Variants in ERLEC1 observed in about 807,000 individuals in gnomAD.
The protein encoded by ERLEC1 is ER lectin.
A neutral mutation model predicts 68.0 loss-of-function variants in ERLEC1; 47 were observed. The observed-to-expected ratio is 0.69, with a 90% CI of 0.55 to 0.88. The LOEUF (loss-of-function observed/expected upper bound fraction) is 0.88. ERLEC1 is among the 40% of genes least tolerant of loss of function. ERLEC1 has a pLI of 0.00. For synonymous variants in ERLEC1, 225 were observed against 203.2 expected (o/e 1.11, Z -0.91); for missense variants, 567 against 583.8 (o/e 0.97, Z 0.30).
intron 8 of ERLEC1, among the ~76,000 whole-genome samples, chr2:53,802,651 G>A (rs534733553): frequency 1.5e-4 from 23 of 152,206 alleles, no homozygotes; most frequent in East Asian, 1.4e-3. Flanking sequence ...ATCATCACTC[G>A]TGTAATACAA....
intron 8 of ERLEC1, among the ~76,000 whole-genome samples, chr2:53,804,417 G>A (rs151148648): frequency 0.01 from 1,538 of 152,132 alleles, 26 homozygotes; most frequent in African/African-American, 0.035. Context: ...GGGACTATAG[G>A]CACGTGTCAC....
At position 53,787,121 on chromosome 2, in the gene ERLEC1, C is replaced by A; in HGVS notation, c.-90C>A. 3 of 1,367,550 alleles carry A rather than the reference C, an allele frequency of 2.2e-6. No homozygotes were observed. The highest frequency in any genetic ancestry group is 1.9e-6 in the Non-Finnish European group (2 of 1,047,190). The allele number at this position is 1,367,550 out of a possible 1,614,324, so 84.7% of individuals were successfully genotyped here. A position where few individuals can be genotyped will look rare whatever the true frequency, so the allele number is the denominator to read the frequency against. On this transcript the variant is annotated 5_prime_UTR_variant, in exon 1 of 14. Transcript: ENST00000185150. ...GTGATACCCGGGCGCTTTATAGTCC[C>A]GCCGCCTCCTCCTCCACCTCCTCCT...
At chr2:53,793,118 A>G (rs1675500052) in intron 1 of ERLEC1, among the ~76,000 whole-genome samples, 1 of 152,242 alleles carries the variant, frequency 6.6e-6, no homozygotes, top group Non-Finnish European at 1.5e-5. Context: ...CAGTACCATA[A>G]GAGGAAAGTG....
At position 53,813,062 on chromosome 2, in the gene ERLEC1, C is replaced by A. The variant is rs758544769; in HGVS notation, c.1215C>A (p.Thr405=). The A allele has an allele frequency of 1.9e-6, 3 of 1,609,854 alleles. No homozygotes were observed. In the South Asian group the frequency reaches 3.3e-5, roughly 18 times the overall value. ...ARAYHLQDDG[T]QTVRMVSHFY... is the part of the protein sequence containing the mutation. Reference sequence around the variant, plus strand: ...CTTATCATCTTCAAGACGATGGTACCCAGACAGTCAGGTAAAGATTCACTT... The same window carrying A: ...CTTATCATCTTCAAGACGATGGTACACAGACAGTCAGGTAAAGATTCACTT... The change falls in exon 11 of 14, where the codon ACC becomes ACA. Residue 405 remains threonine, a synonymous_variant. Transcript: ENST00000185150.
intron 5 of ERLEC1, among the ~76,000 whole-genome samples, chr2:53,798,127 G>A (rs111894948): frequency 3.1e-4 from 47 of 152,174 alleles, no homozygotes; most frequent in African/African-American, 9.6e-4. Context: ...CACAGGAGGC[G>A]GAGCTTGCAG....
At chr2:53,798,918 G>A (rs1250471206) in intron 5 of ERLEC1, 129 bp from the exon 6 acceptor site, 1 of 604,544 alleles carries the variant, frequency 1.7e-6, no homozygotes, top group Non-Finnish European at 2.7e-6. Flanking sequence ...AAAGTAGTAA[G>A]ATAAAAATCA....
chr2:53,812,207 G>A (rs1175042822), intron 10 of ERLEC1, among the ~76,000 whole-genome samples: 2 of 152,050 alleles, frequency 1.3e-5, no homozygotes, highest in African/African-American at 2.4e-5. Context: ...GAGCCTCCGC[G>A]CCCCAGCCAG....
At chr2:53,794,259 A>G (rs948576927) in intron 1 of ERLEC1, 86 bp from the exon 2 acceptor site, 1 of 562,942 alleles carries the variant, frequency 1.8e-6, no homozygotes, top group African/African-American at 2.0e-5. Context: ...TAGTTTAAAG[A>G]ATCTTTTTTC....
intron 1 of ERLEC1, 92 bp downstream of exon 1, chr2:53,787,464 G>C: frequency 6.9e-7 from 1 of 1,443,618 alleles, no homozygotes. Flanking sequence ...TTCTCCCCAA[G>C]ACCTTCTCTG....
chr2:53,810,233 G>A (rs912065942), intron 10 of ERLEC1, among the ~76,000 whole-genome samples: 1 of 152,140 alleles, frequency 6.6e-6, no homozygotes, highest in African/African-American at 2.4e-5. Flanking sequence ...ACTTTGGGGG[G>A]CCAAGGCAGG....
intron 3 of ERLEC1, among the ~76,000 whole-genome samples, chr2:53,796,965 C>T (rs1675745754): frequency 6.8e-6 from 1 of 146,052 alleles, no homozygotes; most frequent in East Asian, 2.1e-4. Context: ...GATCTCAGCT[C>T]ACTGCAACCT....
chr2:53,809,687 A>T (rs1278476433), intron 10 of ERLEC1, among the ~76,000 whole-genome samples: 2 of 152,090 alleles, frequency 1.3e-5, no homozygotes, highest in Non-Finnish European at 2.9e-5. Flanking sequence ...GAGGCGGAGG[A>T]GGTTGCAGTG....
intron 8 of ERLEC1, among the ~76,000 whole-genome samples, chr2:53,805,211 T>TG (rs1163120820): frequency 6.8e-6 from 1 of 147,696 alleles, no homozygotes; most frequent in African/African-American, 2.5e-5. Context: ...TTAGTAGAGA[T>TG]GGGGTTTCAC....
At position 53,797,531 on chromosome 2, in the gene ERLEC1, C is replaced by T; in HGVS notation, c.365C>T (p.Thr122Ile). Residue 122 changes from threonine (T) to isoleucine (I), a missense_variant, in exon 4 of 14, where the codon ACT becomes ATT. Thr to Ile is a moderately conservative substitution (Grantham distance 89, BLOSUM62 -1). Transcript: ENST00000185150. ...SCSYRIESYW[T>I]YEVCHGKHIR... is the part of the protein sequence containing the mutation. ...CTTTTTTAGATTGAGTCTTATTGGA[C>T]TTACGAAGTATGTCATGGAAAACAC... 6.2e-7 allele frequency: 1 copy of T among 1,612,090 alleles called. No homozygotes were observed. Among genetic ancestry groups the T allele is most frequent in the Non-Finnish European group, 8.5e-7 (1 of 1,179,272 alleles).
Position 53,787,075 on chromosome 2 carries a change from G to C in ERLEC1, c.-136G>C. 2 of 1,237,042 alleles carry C rather than the reference G, an allele frequency of 1.6e-6. No homozygotes were observed. The highest frequency in any genetic ancestry group is 2.1e-6 in the Non-Finnish European group (2 of 931,584). The allele number at this position is 1,237,042 out of a possible 1,614,324, so 76.6% of individuals were successfully genotyped here. Reference sequence around the variant, plus strand: ...GGCGTTGCCGGGCTCTCCGGAAGGAGACGTGGCGGCGGTTGGGCCGGTGAT... The same window carrying C: ...GGCGTTGCCGGGCTCTCCGGAAGGACACGTGGCGGCGGTTGGGCCGGTGAT... On this transcript the variant is annotated 5_prime_UTR_variant, in exon 1 of 14. Transcript: ENST00000185150.
chr2:53,794,216 C>A, intron 1 of ERLEC1, 129 bp from the exon 2 acceptor site: 1 of 510,194 alleles, frequency 2.0e-6, no homozygotes. Context: ...ATTTTCCCTC[C>A]CTTTAAAATA....
chr2:53,797,393 G>C (rs180865521), intron 3 of ERLEC1, 122 bp from the exon 4 acceptor site: 208 of 646,682 alleles, frequency 3.2e-4, no homozygotes, highest in Admixed American at 1.2e-3. Flanking sequence ...ATAATTATAA[G>C]TGTCATTTAA....
chr2:53,817,601 A>G (rs924183225), intron 13 of ERLEC1, among the ~76,000 whole-genome samples: 12 of 152,110 alleles, frequency 7.9e-5, no homozygotes, highest in African/African-American at 2.7e-4. Flanking sequence ...TTATTTTGCC[A>G]TAATGTTCTA....
At chr2:53,807,388 A>G (rs989136017) in intron 8 of ERLEC1, among the ~76,000 whole-genome samples, 7 of 148,162 alleles carry the variant, frequency 4.7e-5, no homozygotes, top group Admixed American at 3.4e-4. Context: ...CTGTGAGTCT[A>G]CTGTCCTCTG....
Sources: allele counts gnomAD v4.1 joint callset (sites outside exome capture counted in the v4.1 genomes callset), GRCh38; gene constraint gnomAD v4.1.1; transcripts MANE v1.5; gene names NCBI Gene and HGNC (gene_info 2026-07-23, HGNC 2026-07-21).